Variants in ZSCAN4 observed in about 807,000 individuals in gnomAD.
ZSCAN4 encodes zinc finger and SCAN domain-containing protein 4.
Under a neutral mutation model 18.3 loss-of-function variants are expected in ZSCAN4, and 18 were observed. The observed-to-expected ratio is 0.98, with a 90% CI of 0.68 to 1.46. ZSCAN4 has a LOEUF of 1.46. Ranked by LOEUF, ZSCAN4 falls within the 40% of genes most tolerant of loss-of-function variation. The pLI, the probability that ZSCAN4 is intolerant of heterozygous loss-of-function variation, is 0.00. For missense variants in ZSCAN4, 498 were observed against 511.4 expected (o/e 0.97, Z 0.25); for synonymous variants, 193 against 180.3 (o/e 1.07, Z -0.57).
At chr19:57,675,960 A>G in intron 2 of ZSCAN4, 81 bp from the exon 3 acceptor site, 1 of 577,846 alleles carries the variant, frequency 1.7e-6, no homozygotes, top group East Asian at 2.9e-5. Context: ...CCATAGAGCC[A>G]TGTAGGCCTA....
At chr19:57,668,062 T>C (rs532549678), upstream of ZSCAN4, among the ~76,000 whole-genome samples, 1 of 152,066 alleles carries the variant, frequency 6.6e-6, no homozygotes, top group South Asian at 2.1e-4. Flanking sequence ...CCACCATGCC[T>C]GGCTAATTTT....
At chr19:57,678,974 A>C in exon 5 of ZSCAN4, 1 of 1,449,062 alleles carries the variant, frequency 6.9e-7, no homozygotes, top group South Asian at 1.5e-5. Context: ...TTATCTACTT[A>C]GGATATAAGA....
At chr19:57,678,185 T>C (rs1391345994) in exon 5 of ZSCAN4, 5 of 1,613,726 alleles carry the variant, frequency 3.1e-6, no homozygotes, top group Non-Finnish European at 4.2e-6. Flanking sequence ...ATGAACAAGA[T>C]GGCTGGAACA....
chr19:57,652,221 A>G, the ZSCAN4 span, among the ~76,000 whole-genome samples: 1 of 152,110 alleles, frequency 6.6e-6, no homozygotes, highest in East Asian at 1.9e-4. Flanking sequence ...GGCTTGGTGC[A>G]CTCCATTAAA....
At chr19:57,656,282 C>T in the ZSCAN4 span, among the ~76,000 whole-genome samples, 1 of 152,140 alleles carries the variant, frequency 6.6e-6, no homozygotes, top group Non-Finnish European at 1.5e-5. Flanking sequence ...CACTGTTGTC[C>T]ATTTTCCCAG....
intron 2 of ZSCAN4, among the ~76,000 whole-genome samples, chr19:57,673,499 G>C (rs1487765911): frequency 6.6e-6 from 1 of 152,034 alleles, no homozygotes; most frequent in East Asian, 1.9e-4. Flanking sequence ...GCTGAGTGTG[G>C]TGCGTGCCTG....
upstream of ZSCAN4, chr19:57,664,859 G>A (rs73575227): frequency 1.4e-4 from 24 of 166,592 alleles, no homozygotes; most frequent in African/African-American, 5.4e-4. Flanking sequence ...AAGCTTCAAG[G>A]CTCTGTGAAT....
exon 4 of ZSCAN4, chr19:57,678,059 C>A: frequency 6.3e-7 from 1 of 1,583,790 alleles, no homozygotes; most frequent in South Asian, 1.2e-5. Flanking sequence ...TCCCAAGATA[C>A]TTCCTTAGAA....
At chr19:57,655,127 C>A in the ZSCAN4 span, among the ~76,000 whole-genome samples, 1 of 152,140 alleles carries the variant, frequency 6.6e-6, no homozygotes, top group African/African-American at 2.4e-5. Context: ...CCATACCAAC[C>A]CAATGGAAGA....
At chr19:57,676,607 T>C in intron 3 of ZSCAN4, 66 bp downstream of exon 3, 1 of 1,516,512 alleles carries the variant, frequency 6.6e-7, no homozygotes, top group East Asian at 2.3e-5. Context: ...TCACAGTCAG[T>C]TAGAGTTGTC....
the ZSCAN4 span, among the ~76,000 whole-genome samples, chr19:57,660,222 TC>T: frequency 1.3e-5 from 2 of 151,250 alleles, no homozygotes; most frequent in Non-Finnish European, 3.0e-5. Context: ...GTAAAACATT[TC>T]TGGGTTTGGA....
exon 5 of ZSCAN4, chr19:57,678,342 G>A (rs1471088980): frequency 1.2e-6 from 2 of 1,614,050 alleles, no homozygotes; most frequent in African/African-American, 2.7e-5. Context: ...AAAAAGAGCA[G>A]AGCTAGTCAC....
At chr19:57,651,525 A>G in the ZSCAN4 span, among the ~76,000 whole-genome samples, 2 of 152,014 alleles carry the variant, frequency 1.3e-5, no homozygotes, top group African/African-American at 4.8e-5. Flanking sequence ...AATTACCCCA[A>G]TCTGTAAGCA....
chr19:57,658,893 C>T, the ZSCAN4 span, among the ~76,000 whole-genome samples: 3 of 151,214 alleles, frequency 2.0e-5, no homozygotes, highest in Non-Finnish European at 2.9e-5. Context: ...AAATACTCTT[C>T]CTTAATCTTA....
intron 2 of ZSCAN4, among the ~76,000 whole-genome samples, chr19:57,673,034 TTTAA>T (rs1226657652): frequency 1.3e-5 from 2 of 152,054 alleles, no homozygotes; most frequent in African/African-American, 2.4e-5. Context: ...CATGGTGACA[TTTAA>T]TTAATTAATT....
upstream of ZSCAN4, among the ~76,000 whole-genome samples, chr19:57,667,140 T>C (rs1468160357): frequency 6.6e-6 from 1 of 152,230 alleles, no homozygotes; most frequent in Non-Finnish European, 1.5e-5. Context: ...ATATCCTTAT[T>C]TGATTAAATT....
chr19:57,678,645 G>C (rs1156686075), exon 5 of ZSCAN4: 3 of 1,614,058 alleles, frequency 1.9e-6, no homozygotes, highest in Non-Finnish European at 2.5e-6. Flanking sequence ...GTGTCAAAAA[G>C]GCTTCTTCCA....
the ZSCAN4 span, among the ~76,000 whole-genome samples, chr19:57,658,552 T>G: frequency 0.32 from 48,041 of 152,066 alleles, 10,282 homozygotes; most frequent in African/African-American, 0.62. Flanking sequence ...ATATACTTCC[T>G]GCCGGGTGCA....
At chr19:57,666,456 C>G (rs1321439303), upstream of ZSCAN4, among the ~76,000 whole-genome samples, 1 of 151,722 alleles carries the variant, frequency 6.6e-6, no homozygotes, top group African/African-American at 2.4e-5. Flanking sequence ...CCAGTCTTTG[C>G]GTTCATAAAG....
Sources: gnomAD v4.1 joint callset for allele counts (sites outside exome capture counted in the v4.1 genomes callset) on GRCh38, gnomAD v4.1.1 for gene constraint, MANE v1.5 for transcripts, NCBI Gene and HGNC (gene_info 2026-07-23, HGNC 2026-07-21) for gene names.